The following FOCAD variants were observed in gnomAD, a reference collection of about 807,000 sequenced individuals.
FOCAD encodes KIAA1797.
A neutral mutation model predicts 225.6 loss-of-function variants in FOCAD; 198 were observed. The observed-to-expected ratio is 0.88, with a 90% CI of 0.78 to 0.99. The LOEUF is 0.99. FOCAD is among the 50% of genes least tolerant of loss of function. The pLI is 0.00. For missense variants in FOCAD, 2,713 were observed against 2,123.6 expected (o/e 1.28, Z -5.46); for synonymous variants, 897 against 755.0 (o/e 1.19, Z -3.08).
intron 11 of FOCAD, among the ~76,000 whole-genome samples, chr9:20,803,278 C>CT (rs1263833952): frequency 1.3e-5 from 2 of 152,066 alleles, no homozygotes; most frequent in African/African-American, 4.8e-5. Context: ...CTCCTTATCT[C>CT]AAGCCTAGTG....
chr9:20,832,742 A>G (rs1047840540), intron 15 of FOCAD, among the ~76,000 whole-genome samples: 1 of 152,008 alleles, frequency 6.6e-6, no homozygotes, highest in Admixed American at 6.6e-5. Flanking sequence ...TTCACTTAGC[A>G]TAATGCCCTC....
intron 1 of FOCAD, among the ~76,000 whole-genome samples, chr9:20,687,126 T>A (rs1442326520): frequency 6.6e-6 from 1 of 152,164 alleles, no homozygotes; most frequent in Non-Finnish European, 1.5e-5. Flanking sequence ...TTGAAGATGT[T>A]CCAAAACCCT....
intron 2 of FOCAD, among the ~76,000 whole-genome samples, chr9:20,674,276 T>A (rs1822162213): frequency 6.6e-6 from 1 of 152,232 alleles, no homozygotes; most frequent in African/African-American, 2.4e-5. Flanking sequence ...AGGTTATTTA[T>A]GCTATTGTCT....
chr9:20,917,070 A>G, intron 24 of FOCAD, 133 bp downstream of exon 24: 1 of 672,434 alleles, frequency 1.5e-6, no homozygotes, highest in Non-Finnish European at 2.4e-6. Flanking sequence ...TTTTTTAAAA[A>G]ATTAATCGTT....
chr9:20,911,757 G>A (rs984090776), intron 22 of FOCAD, among the ~76,000 whole-genome samples: 2 of 152,128 alleles, frequency 1.3e-5, no homozygotes, highest in African/African-American at 2.4e-5. Flanking sequence ...GCATTAGGCC[G>A]AGGCATTCTG....
chr9:20,883,595 A>T (rs1413508561), intron 20 of FOCAD, among the ~76,000 whole-genome samples: 1 of 152,208 alleles, frequency 6.6e-6, no homozygotes, highest in Non-Finnish European at 1.5e-5. Context: ...AACAAAAATG[A>T]TTACCATGAT....
chr9:20,895,185 G>A (rs948886577), intron 21 of FOCAD, among the ~76,000 whole-genome samples: 2 of 151,766 alleles, frequency 1.3e-5, no homozygotes, highest in Admixed American at 6.6e-5. Flanking sequence ...TATTTCTCTC[G>A]TCATTTGCTC....
chr9:20,765,823 T>G (rs1830007899), intron 7 of FOCAD, among the ~76,000 whole-genome samples: 1 of 152,226 alleles, frequency 6.6e-6, no homozygotes, highest in Non-Finnish European at 1.5e-5. Flanking sequence ...GGTTTGCTAT[T>G]TGCCTGGAAT....
intron 22 of FOCAD, among the ~76,000 whole-genome samples, chr9:20,911,287 T>G (rs1833416844): frequency 1.3e-5 from 2 of 152,102 alleles, no homozygotes; most frequent in Admixed American, 1.3e-4. Flanking sequence ...GTGAATACAG[T>G]GTCCGTTACA....
chr9:20,790,500 A>G (rs1820407245), intron 11 of FOCAD, among the ~76,000 whole-genome samples: 1 of 152,204 alleles, frequency 6.6e-6, no homozygotes, highest in African/African-American at 2.4e-5. Context: ...AACTGAGTGC[A>G]GTGACTTACG....
chr9:20,842,987 A>G (rs574518803), intron 15 of FOCAD, among the ~76,000 whole-genome samples: 1 of 152,140 alleles, frequency 6.6e-6, no homozygotes, highest in South Asian at 2.1e-4. Flanking sequence ...AAACAAATCT[A>G]ATAAAAACTC....
At position 20,764,858 on chromosome 9, in the gene FOCAD, A is replaced by C; in HGVS notation, c.495-11A>C. The C allele has an allele frequency of 6.2e-7, 1 of 1,608,516 alleles. No homozygotes were observed. Among genetic ancestry groups the C allele is most frequent in the East Asian group, 2.2e-5 (1 of 44,820 alleles). ...ACTCAATAACTGGCTAATGTATTTC[A>C]TGTCTTATAGGTTAGAAGTTTCATG... On this transcript the variant is annotated splice_polypyrimidine_tract_variant and intron_variant, in intron 6 of 43. Transcript: ENST00000338382.
chr9:20,689,236 G>A (rs754406864), intron 1 of FOCAD, among the ~76,000 whole-genome samples: 11 of 152,178 alleles, frequency 7.2e-5, no homozygotes, highest in Non-Finnish European at 1.5e-4. Context: ...GGGTTTGGCT[G>A]TGGATATAGA....
chr9:20,951,217 C>T lies in FOCAD; in HGVS notation c.4051+119C>T, dbSNP rs867372487. 2.2e-5 allele frequency: 16 copies of T among 734,954 alleles called. 1 individual carries two copies. Among genetic ancestry groups the T allele is most frequent in the Middle Eastern group, 4.9e-4 (2 of 4,094 alleles). The allele number at this position is 734,954 out of a possible 1,614,324, so 45.5% of individuals were successfully genotyped here. The stretch of plus-strand genomic sequence containing the variant: ...CCCTAAGTAATGGGTATTACCATCT[C>T]TGTTTTACGTCAGAGGGAAATGGTG... On this transcript the variant is annotated intron_variant, in intron 34 of 43. Transcript: ENST00000338382.
intron 27 of FOCAD, 71 bp from the exon 28 acceptor site, chr9:20,932,943 T>C (rs1172476047): frequency 3.7e-6 from 4 of 1,080,796 alleles, no homozygotes; most frequent in Non-Finnish European, 2.9e-6. Context: ...GAGAGTATAA[T>C]ATTGTATTCA....
intron 5 of FOCAD, among the ~76,000 whole-genome samples, chr9:20,752,277 T>C (rs1828630032): frequency 6.6e-6 from 1 of 151,272 alleles, no homozygotes; most frequent in South Asian, 2.1e-4. Flanking sequence ...TCTTCTAGGG[T>C]TTTTATGGTT....
intron 11 of FOCAD, among the ~76,000 whole-genome samples, chr9:20,794,089 T>C (rs1210581649): frequency 6.6e-6 from 1 of 152,110 alleles, no homozygotes. Context: ...CCATGCCAGC[T>C]CCCTGCAACC....
chr9:20,913,618 TTTAA>T (rs1198759245), intron 23 of FOCAD, among the ~76,000 whole-genome samples: 1 of 152,196 alleles, frequency 6.6e-6, no homozygotes, highest in Non-Finnish European at 1.5e-5. Context: ...CCGAAGATTA[TTTAA>T]TTATAGGTTT....
intron 8 of FOCAD, among the ~76,000 whole-genome samples, chr9:20,773,081 T>C: frequency 6.6e-6 from 1 of 152,140 alleles, no homozygotes; most frequent in East Asian, 1.9e-4. Flanking sequence ...AAATGTAATA[T>C]CCATGGGTAA....
Sources: allele counts gnomAD v4.1 joint callset (sites outside exome capture counted in the v4.1 genomes callset), GRCh38; gene constraint gnomAD v4.1.1; transcripts MANE v1.5; gene names NCBI Gene and HGNC (gene_info 2026-07-23, HGNC 2026-07-21).